TBCEL: variants seen among roughly 807,000 people sequenced by gnomAD.
TBCEL encodes the protein tubulin-specific chaperone cofactor E-like protein.
Under a neutral mutation model 44.2 loss-of-function variants are expected in TBCEL, and 15 were observed. The ratio of observed to expected loss-of-function variants is 0.34; its 90% CI spans 0.23 to 0.52. TBCEL has a LOEUF of 0.52. TBCEL is among the 20% of genes least tolerant of loss of function. The pLI, the probability that TBCEL is intolerant of heterozygous loss-of-function variation, is 0.95. For missense variants in TBCEL, 319 were observed against 506.3 expected (o/e 0.63, Z 3.55); for synonymous variants, 171 against 185.4 (o/e 0.92, Z 0.63).
At chr11:121,079,487 C>A (rs944840559) in intron 8 of TBCEL, among the ~76,000 whole-genome samples, 5 of 152,172 alleles carry the variant, frequency 3.3e-5, no homozygotes, top group African/African-American at 1.2e-4. Context: ...CTCCACCCTT[C>A]CTTTCACTAG....
chr11:121,027,450 A>G (rs1945066274), intron 1 of TBCEL, among the ~76,000 whole-genome samples: 1 of 152,170 alleles, frequency 6.6e-6, no homozygotes, highest in Non-Finnish European at 1.5e-5. Flanking sequence ...AAAAACCATT[A>G]GCTGCTTTCC....
chr11:121,085,909 T>G (rs2135027008), intron 8 of TBCEL, among the ~76,000 whole-genome samples: 1 of 152,308 alleles, frequency 6.6e-6, no homozygotes, highest in East Asian at 1.9e-4. Context: ...GGGGGATAAT[T>G]TTATGTGACT....
At chr11:121,030,311 C>A (rs1945120899) in intron 1 of TBCEL, among the ~76,000 whole-genome samples, 1 of 152,102 alleles carries the variant, frequency 6.6e-6, no homozygotes, top group Non-Finnish European at 1.5e-5. Context: ...TTAAATGAAT[C>A]CTTGGCGACC....
chr11:121,049,670 C>G (rs936794859), intron 4 of TBCEL, among the ~76,000 whole-genome samples: 1 of 151,816 alleles, frequency 6.6e-6, no homozygotes, highest in African/African-American at 2.4e-5. Context: ...GCTTTATCTG[C>G]ACTTCAAATT....
intron 8 of TBCEL, among the ~76,000 whole-genome samples, chr11:121,079,489 T>G (rs910554567): frequency 1.3e-5 from 2 of 152,214 alleles, no homozygotes; most frequent in African/African-American, 4.8e-5. Context: ...CCACCCTTCC[T>G]TTCACTAGCT....
Position 121,059,951 on chromosome 11 carries a change from T to A in TBCEL, c.840-18T>A, listed in dbSNP as rs1176439079. On this transcript the variant is annotated intron_variant, in intron 7 of 8. Transcript: ENST00000683345. ...TTAGTATCTTAAAAAATGTCTTTAT[T>A]TTGGTTTTAACTTATAGATTGCCAT... The A allele has an allele frequency of 6.4e-7, 1 of 1,554,796 alleles. No individual in the cohort carries two copies.
chr11:121,050,858 C>T (rs985350110), intron 4 of TBCEL, among the ~76,000 whole-genome samples: 1 of 151,684 alleles, frequency 6.6e-6, no homozygotes, highest in African/African-American at 2.4e-5. Flanking sequence ...CTCCATGTTT[C>T]TGCACATGAG....
chr11:121,036,823 C>T (rs1945239734), intron 2 of TBCEL, among the ~76,000 whole-genome samples: 1 of 152,230 alleles, frequency 6.6e-6, no homozygotes, highest in East Asian at 1.9e-4. Flanking sequence ...ATCTAAAGTG[C>T]CTTATATGCA....
Position 121,086,963 on chromosome 11 carries a change from G to C in TBCEL, c.1142G>C (p.Ser381Thr). Residue 381 changes from serine to threonine, a missense_variant, in exon 9 of 9, where the codon AGC becomes ACC. Transcript: ENST00000683345. ...AAAACTCTAGTACAATTACCCACAAGCAACATGCTTCTCTACTATTTTGAC... is the reference window on the plus strand; with the variant it reads ...AAAACTCTAGTACAATTACCCACAACCAACATGCTTCTCTACTATTTTGAC... ...QLKTLVQLPT[S>T]NMLLYYFDHE... 6.2e-7 allele frequency: 1 copy of C among 1,614,064 alleles called. No homozygotes were observed. The highest frequency in any genetic ancestry group is 8.5e-7 in the Non-Finnish European group (1 of 1,179,992).
chr11:121,076,833 T>C (rs925302482), intron 8 of TBCEL, among the ~76,000 whole-genome samples: 1 of 152,046 alleles, frequency 6.6e-6, no homozygotes, highest in African/African-American at 2.4e-5. Flanking sequence ...GACATTTCCT[T>C]CTATTCCAAG....
intron 8 of TBCEL, among the ~76,000 whole-genome samples, chr11:121,078,791 G>T (rs1946075473): frequency 6.6e-6 from 1 of 152,100 alleles, no homozygotes; most frequent in Non-Finnish European, 1.5e-5. Flanking sequence ...TGTAGTTTTA[G>T]TTCTATGATT....
At chr11:121,071,035 CT>C (rs1945920889) in intron 8 of TBCEL, among the ~76,000 whole-genome samples, 1 of 152,098 alleles carries the variant, frequency 6.6e-6, no homozygotes, top group African/African-American at 2.4e-5. Context: ...ATTTATAGCC[CT>C]GATTTCTCTG....
At chr11:121,024,992 G>A (rs1380472723) in intron 1 of TBCEL, among the ~76,000 whole-genome samples, 1 of 152,208 alleles carries the variant, frequency 6.6e-6, no homozygotes, top group East Asian at 1.9e-4. Flanking sequence ...TTGAGTTCTA[G>A]GTCCGCTAGT....
In TBCEL at chr11:121,060,073, A is replaced by T; in HGVS notation, c.944A>T (p.Glu315Val). 6.2e-7 allele frequency: 1 copy of T among 1,610,852 alleles called. No individual in the cohort carries two copies. Among genetic ancestry groups the T allele is most frequent in the Non-Finnish European group, 8.5e-7 (1 of 1,177,874 alleles). ...IRYYVDVPQE[E>V]VPFRYHELIT... ...TACTATGTGGATGTTCCACAGGAAG[A>T]AGTGCCATTCAGGTAAAAAATTCCC... Residue 315 changes from glutamate (E) to valine (V), a missense_variant, in exon 8 of 9, where the codon GAA becomes GTA. Glu to Val is a moderately radical substitution (Grantham distance 121). Transcript: ENST00000683345.
chr11:121,054,135 G>A (rs574937076), intron 5 of TBCEL, among the ~76,000 whole-genome samples: 38 of 151,984 alleles, frequency 2.5e-4, no homozygotes, highest in African/African-American at 8.7e-4. Context: ...GATCTGATGG[G>A]AAAATTGACC....
At chr11:121,031,850 G>A (rs1291181673) in intron 1 of TBCEL, among the ~76,000 whole-genome samples, 1 of 151,564 alleles carries the variant, frequency 6.6e-6, no homozygotes, top group African/African-American at 2.4e-5. Context: ...TGGAGATGGG[G>A]TCTTGCTATG....
At chr11:121,043,366 C>A (rs941347608) in intron 2 of TBCEL, among the ~76,000 whole-genome samples, 3 of 152,038 alleles carry the variant, frequency 2.0e-5, no homozygotes, top group Non-Finnish European at 4.4e-5. Context: ...GATAGGATAA[C>A]CACATAAGAA....
chr11:121,049,654 A>G (rs1355766476), intron 4 of TBCEL, among the ~76,000 whole-genome samples: 1 of 151,844 alleles, frequency 6.6e-6, no homozygotes, highest in African/African-American at 2.4e-5. Context: ...TTTAACTGCC[A>G]TGCATGCTTT....
chr11:121,043,808 G>A (rs921300704), intron 2 of TBCEL, among the ~76,000 whole-genome samples: 4 of 151,970 alleles, frequency 2.6e-5, no homozygotes, highest in African/African-American at 9.7e-5. Flanking sequence ...AAATATCAGT[G>A]ACTATTGTCT....
Sources: gnomAD v4.1 joint callset for allele counts (sites outside exome capture counted in the v4.1 genomes callset) on GRCh38, gnomAD v4.1.1 for gene constraint, MANE v1.5 for transcripts, NCBI Gene and HGNC (gene_info 2026-07-23, HGNC 2026-07-21) for gene names.